The following ZNF773 variants were observed in gnomAD, a reference collection of about 807,000 sequenced individuals.
ZNF773 encodes zinc finger protein 773.
ZNF773 carries 11 observed loss-of-function variants against 12.8 expected under a neutral mutation model. The ratio of observed to expected loss-of-function variants is 0.86; its 90% CI spans 0.54 to 1.42. The LOEUF (loss-of-function observed/expected upper bound fraction) is 1.42, where lower values mean the gene tolerates loss of function less well. Ranked by LOEUF, ZNF773 falls within the 40% of genes most tolerant of loss-of-function variation. The pLI is 0.00. For synonymous variants in ZNF773, 175 were observed against 178.4 expected, an observed-to-expected ratio of 0.98 and a Z score of 0.15; for missense variants, 518 against 527.2, an observed-to-expected ratio of 0.98 and a Z score of 0.17.
In ZNF773 at chr19:57,506,568, C is replaced by G; in HGVS notation, c.473C>G (p.Thr158Ser). Residue 158 changes from threonine to serine, a missense_variant, in exon 4 of 4, where the codon ACC becomes AGC. Transcript: ENST00000282292. ...QSREVGKDLL[T>S]SSGVLKHQVT... The stretch of plus-strand genomic sequence containing the variant: ...AGGGAAGTTGGGAAGGATCTTCTGA[C>G]CAGCTCAGGTGTTCTCAAGCACCAG... 4 of 1,614,166 alleles carry G rather than the reference C, an allele frequency of 2.5e-6. No homozygotes were observed. Among genetic ancestry groups the G allele is most frequent in the Non-Finnish European group, 3.4e-6 (4 of 1,180,014 alleles).
At chr19:57,504,841 T>C in intron 2 of ZNF773, 55 bp downstream of exon 2, 1 of 1,579,962 alleles carries the variant, frequency 6.3e-7, no homozygotes, top group Non-Finnish European at 8.7e-7. Context: ...CTTTTCCTCC[T>C]TTTCCTAGGG....
At chr19:57,509,531 A>C (rs1426143520), downstream of ZNF773, among the ~76,000 whole-genome samples, 3 of 152,244 alleles carry the variant, frequency 2.0e-5, no homozygotes, top group Non-Finnish European at 4.4e-5. Context: ...AGTCTAGGAA[A>C]TATTGCATTG....
At chr19:57,504,386 C>T (rs1263896010) in intron 1 of ZNF773, among the ~76,000 whole-genome samples, 1 of 152,146 alleles carries the variant, frequency 6.6e-6, no homozygotes, top group Non-Finnish European at 1.5e-5. Context: ...ATTTGGGAAA[C>T]ACAATCTGGG....
In ZNF773 at chr19:57,506,616, C is replaced by G. The variant is rs772380673; in HGVS notation, c.521C>G (p.Ser174Ter). 20 of 1,614,078 alleles carry G rather than the reference C, an allele frequency of 1.2e-5. No homozygotes were observed. Among genetic ancestry groups the G allele is most frequent in the Non-Finnish European group, 1.7e-5 (20 of 1,180,042 alleles). Reference protein sequence around the residue: ...KHQVTHTGEKSHRSSKSREAF... With the variant: ...KHQVTHTGEK ...CAGGTGACTCACACGGGAGAGAAGTCACATAGGAGCTCCAAAAGTAGGGAG... is the reference window on the plus strand; with the variant it reads ...CAGGTGACTCACACGGGAGAGAAGTGACATAGGAGCTCCAAAAGTAGGGAG... The change falls in exon 4 of 4, where the codon TCA (serine) becomes TGA (stop). Residue 174 changes from serine (S) to a stop codon, truncating the protein, a stop_gained. Transcript: ENST00000282292. LOFTEE classifies it low-confidence loss of function (END_TRUNC).
intron 3 of ZNF773, among the ~76,000 whole-genome samples, chr19:57,505,917 G>T (rs1289750883): frequency 6.6e-6 from 1 of 152,050 alleles, no homozygotes; most frequent in Admixed American, 6.5e-5. Flanking sequence ...CACCATGTTA[G>T]CCTGAATGGT....
rs1189567690 is a variant in ZNF773, at chr19:57,505,315, C to T, written c.177C>T (p.Ser59=). The T allele has an allele frequency of 6.2e-7, 1 of 1,613,938 alleles. No individual in the cohort carries two copies. The highest frequency in any genetic ancestry group is 8.5e-7 in the Non-Finnish European group (1 of 1,179,984). ...TLLASLGLAS[S]KTHEITQLES... is the part of the protein sequence containing the mutation. ...CGTTTTCCTTAGGACTTGCATCTTC[C>T]AAGACCCATGAAATAACCCAGCTGG... Residue 59 remains serine, a synonymous_variant, in exon 3 of 4, where the codon TCC becomes TCT. Coordinates refer to ENST00000282292, the MANE Select transcript of ZNF773 (RefSeq NM_198542.3).
downstream of ZNF773, chr19:57,514,056 G>A (rs1192997806): frequency 6.6e-6 from 1 of 152,252 alleles, no homozygotes; most frequent in African/African-American, 2.4e-5. Context: ...TGTAGGACAG[G>A]CATTAAAGGA....
chr19:57,507,457 T>C lies in ZNF773; in HGVS notation c.*33T>C. 6.4e-7 allele frequency: 1 copy of C among 1,550,388 alleles called. No homozygotes were observed. Among genetic ancestry groups the C allele is most frequent in the South Asian group, 1.3e-5 (1 of 78,812 alleles). On this transcript the variant is annotated 3_prime_UTR_variant, in exon 4 of 4. Coordinates refer to ENST00000282292, the MANE Select transcript of ZNF773 (RefSeq NM_198542.3). ...AAATCCTTTAGCTGGTGTTTCAACC[T>C]CATTCAACACCAGAAAGTTCACAGT...
At chr19:57,500,555 G>A (rs1321132203) in intron 1 of ZNF773, among the ~76,000 whole-genome samples, 1 of 152,044 alleles carries the variant, frequency 6.6e-6, no homozygotes, top group African/African-American at 2.4e-5. Flanking sequence ...CTAGTGGAGA[G>A]TCTACTGGGA....
chr19:57,502,207 G>T (rs2089678742), intron 1 of ZNF773, among the ~76,000 whole-genome samples: 2 of 152,338 alleles, frequency 1.3e-5, no homozygotes, highest in East Asian at 1.9e-4. Context: ...CTCCCAAAGT[G>T]CTGGGATTAT....
chr19:57,507,344 T>C lies in ZNF773; in HGVS notation c.1249T>C (p.Cys417Arg), dbSNP rs1240211232. The change falls in exon 4 of 4, where the codon TGC becomes CGC. Residue 417 changes from cysteine (C) to arginine (R), a missense_variant. By Grantham distance (180) the Cys-to-Arg change is radical. Coordinates refer to ENST00000282292, the MANE Select transcript of ZNF773 (RefSeq NM_198542.3). ...RVHTGAKPYE[C>R]RECGKFFRHS... ...TCACACTGGAGCAAAGCCTTATGAG[T>C]GCAGGGAATGTGGGAAATTTTTTCG... 1 of 1,613,616 alleles carries C rather than the reference T, an allele frequency of 6.2e-7. No individual in the cohort carries two copies. Among genetic ancestry groups the C allele is most frequent in the East Asian group, 2.2e-5 (1 of 44,880 alleles).
At chr19:57,516,487 G>A (rs900101153), downstream of ZNF773, 1 of 152,210 alleles carries the variant, frequency 6.6e-6, no homozygotes, top group African/African-American at 2.4e-5. Context: ...CCCTGACAGA[G>A]AGTGATTAGA....
chr19:57,500,112 A>G lies in ZNF773; in HGVS notation c.32A>G (p.Gln11Arg). Residue 11 changes from glutamine to arginine, a missense_variant and splice_region_variant, in exon 1 of 4, where the codon CAG (glutamine) becomes CGG (arginine). Physicochemically the swap from Gln to Arg is conservative, Grantham distance 43 (BLOSUM62 1). Transcript: ENST00000282292. The stretch of plus-strand genomic sequence containing the variant: ...GCGGCCACGCTGAGGGACCCCGCTC[A>G]GGTGAGCGCCGCGTCCTCCCGGCCT... MAAATLRDPA[Q>R]QGYVTFEDVA... 6.2e-7 allele frequency: 1 copy of G among 1,604,692 alleles called. No homozygotes were observed. The highest frequency in any genetic ancestry group is 8.5e-7 in the Non-Finnish European group (1 of 1,177,136).
downstream of ZNF773, chr19:57,514,833 A>G (rs765300037): frequency 2.0e-5 from 3 of 152,184 alleles, no homozygotes; most frequent in Non-Finnish European, 4.4e-5. Flanking sequence ...ATAGATAACC[A>G]TTATCCATCA....
Position 57,507,761 on chromosome 19 carries a change from T to C in ZNF773, c.*337T>C. On this transcript the variant is annotated 3_prime_UTR_variant, in exon 4 of 4. Transcript: ENST00000282292. ...AGGCTGAAGCGGGCGGATCACAAGG[T>C]CAGGACATCGAAACCATCCTGGTTA... The C allele has an allele frequency of 1.9e-6, 2 of 1,028,186 alleles. No homozygotes were observed. Among genetic ancestry groups the C allele is most frequent in the Non-Finnish European group, 2.4e-6 (2 of 840,176 alleles). 63.7% of individuals were successfully genotyped at this position (1,028,186 alleles called of 1,614,324 possible). A position where few individuals can be genotyped will look rare whatever the true frequency, so the allele number is the denominator to read the frequency against.
At chr19:57,516,765 T>A (rs2089834558), downstream of ZNF773, 1 of 152,272 alleles carries the variant, frequency 6.6e-6, no homozygotes, top group South Asian at 2.1e-4. Context: ...TTGGACTCAG[T>A]GTCTTGGCCC....
intron 1 of ZNF773, among the ~76,000 whole-genome samples, chr19:57,503,946 CCAT>C (rs2089697918): frequency 6.6e-6 from 1 of 152,180 alleles, no homozygotes; most frequent in African/African-American, 2.4e-5. Flanking sequence ...GCATGAGCCA[CCAT>C]GCCTGTCCTG....
Position 57,507,668 on chromosome 19 carries a change from T to A in ZNF773, c.*244T>A. The stretch of plus-strand genomic sequence containing the variant: ...AGGCCTTAGACTGTCGCTGAATCAA[T>A]ATGACCTGACTTAAAGCAGAAACAG... On this transcript the variant is annotated 3_prime_UTR_variant, in exon 4 of 4. Coordinates refer to ENST00000282292, the MANE Select transcript of ZNF773 (RefSeq NM_198542.3). 1.5e-6 allele frequency: 2 copies of A among 1,313,878 alleles called. No homozygotes were observed. The highest frequency in any genetic ancestry group is 4.8e-5 in the South Asian group (2 of 41,366). The allele number at this position is 1,313,878 out of a possible 1,614,324, so 81.4% of individuals were successfully genotyped here.
downstream of ZNF773, chr19:57,508,325 T>C: frequency 2.7e-6 from 2 of 727,628 alleles, no homozygotes; most frequent in East Asian, 1.3e-4. Context: ...GAGCCCTGTA[T>C]TGGCTGCACC....
Sources: allele counts gnomAD v4.1 joint callset (sites outside exome capture counted in the v4.1 genomes callset), GRCh38; gene constraint gnomAD v4.1.1; transcripts MANE v1.5; gene names NCBI Gene and HGNC (gene_info 2026-07-23, HGNC 2026-07-21).